The following PCLO variants were observed in gnomAD, a reference collection of about 807,000 sequenced individuals.
PCLO encodes the protein protein piccolo.
In PCLO, 82 loss-of-function variants were observed where a neutral mutation model predicts 427.5. That is an observed-to-expected ratio of 0.19 (90% confidence interval 0.16 to 0.23). The LOEUF (loss-of-function observed/expected upper bound fraction) is 0.23, where lower values mean the gene tolerates loss of function less well. PCLO is among the 10% of genes least tolerant of loss of function. The probability of loss-of-function intolerance (pLI) is 1.00; values close to 1 mark genes in which losing one functional copy is unlikely to be tolerated. For missense variants in PCLO, 6,239 were observed against 6,115.9 expected (o/e 1.02, Z -0.67); for synonymous variants, 2,357 against 2,155.4 (o/e 1.09, Z -2.59).
rs1366615912 is a variant in PCLO, at chr7:82,951,323, C to T, written c.9265G>A (p.Val3089Ile). The change falls in exon 6 of 25, where the codon GTC becomes ATC. Residue 3089 changes from valine (V) to isoleucine (I), a missense_variant. Around this residue, in one of 5 missense-constraint regions of PCLO, gnomAD observed 4,677 missense variants for 4,468.4 expected, o/e 1.05. Transcript: ENST00000333891. ...GTTGGAGTTGCTACTGAAGAATAGA[C>T]AACACCATTAGATGACCTCAAAACA... The part of the protein sequence containing the change: ...GSVLRSSNGV[V>I]YSSVATPTPS... 7 of 1,611,692 alleles carry T rather than the reference C, an allele frequency of 4.3e-6. No individual in the cohort carries two copies. The highest frequency in any genetic ancestry group is 1.3e-5 in the African/African-American group (1 of 74,856).
intron 3 of PCLO, among the ~76,000 whole-genome samples, chr7:82,995,998 T>C (rs566031695): frequency 6.6e-6 from 1 of 151,904 alleles, no homozygotes; most frequent in Non-Finnish European, 1.5e-5. Flanking sequence ...TTCTCATCCT[T>C]TTTGCTTTAG....
At chr7:82,910,365 T>C (rs751849832) in intron 7 of PCLO, among the ~76,000 whole-genome samples, 3 of 151,984 alleles carry the variant, frequency 2.0e-5, no homozygotes, top group Non-Finnish European at 4.4e-5. Context: ...ACTCTATACC[T>C]CCTGTGGTCA....
chr7:83,143,206 G>C lies in PCLO; in HGVS notation c.1894-7550C>G, dbSNP rs192707208. On this transcript the variant is annotated intron_variant, in intron 2 of 24. Coordinates refer to ENST00000333891, the MANE Select transcript of PCLO (RefSeq NM_033026.6). Reference sequence around the variant, plus strand: ...GAGATAAAGTTTGATAACAGATTATGTTTTGTGCTACTCAAGGACTACTCA... The same window carrying C: ...GAGATAAAGTTTGATAACAGATTATCTTTTGTGCTACTCAAGGACTACTCA... Among the ~76,000 whole-genome samples, 32 of 152,220 alleles carry C rather than the reference G, an allele frequency of 2.1e-4. No individual in the cohort carries two copies. The Middle Eastern group carries it at 0.01, about 49-fold the overall frequency.
intron 3 of PCLO, among the ~76,000 whole-genome samples, chr7:83,125,261 T>G (rs1584056681): frequency 1.3e-5 from 2 of 151,722 alleles, no homozygotes; most frequent in African/African-American, 4.8e-5. Flanking sequence ...CCACCCCATC[T>G]GAGAAGTGGG....
At chr7:82,802,806 G>T (rs1449742541) in intron 21 of PCLO, among the ~76,000 whole-genome samples, 1 of 151,994 alleles carries the variant, frequency 6.6e-6, no homozygotes, top group East Asian at 1.9e-4. Context: ...CTTGAAAACT[G>T]CTCTAAAGGT....
chr7:82,784,402 A>G (rs922524040), intron 22 of PCLO, among the ~76,000 whole-genome samples: 1 of 152,082 alleles, frequency 6.6e-6, no homozygotes, highest in African/African-American at 2.4e-5. Context: ...TGATTACCCA[A>G]ATGTCATTTT....
intron 3 of PCLO, among the ~76,000 whole-genome samples, chr7:82,983,896 G>A (rs1796201940): frequency 6.6e-6 from 1 of 151,842 alleles, no homozygotes. Flanking sequence ...ACTGAATAGG[G>A]CTAACCTCAA....
intron 7 of PCLO, chr7:82,914,291 C>T (rs952446959): frequency 1.5e-5 from 6 of 410,282 alleles, no homozygotes; most frequent in Non-Finnish European, 2.6e-5. Context: ...TTAATAATTT[C>T]AGAAACTGAA....
chr7:83,142,182 T>A (rs1371848475), intron 2 of PCLO, among the ~76,000 whole-genome samples: 1 of 152,190 alleles, frequency 6.6e-6, no homozygotes, highest in Non-Finnish European at 1.5e-5. Flanking sequence ...GTACTTGGAA[T>A]AATGAAACAT....
chr7:82,852,915 C>T (rs909435729), intron 10 of PCLO, among the ~76,000 whole-genome samples: 4 of 152,086 alleles, frequency 2.6e-5, no homozygotes, highest in African/African-American at 9.7e-5. Context: ...ATTTTATTCT[C>T]CATCTGTATG....
At chr7:83,000,964 T>C (rs1352486350) in intron 3 of PCLO, among the ~76,000 whole-genome samples, 2 of 151,982 alleles carry the variant, frequency 1.3e-5, no homozygotes, top group South Asian at 2.1e-4. Context: ...AGAAAGAAAT[T>C]AGTGAGTTTT....
chr7:82,774,862 T>G (rs1790716413), intron 22 of PCLO, among the ~76,000 whole-genome samples: 1 of 152,218 alleles, frequency 6.6e-6, no homozygotes, highest in Non-Finnish European at 1.5e-5. Context: ...ATAAAGTATT[T>G]TACTGCCCCC....
At chr7:82,978,857 A>C (rs62458572) in intron 3 of PCLO, among the ~76,000 whole-genome samples, 3,014 of 138,574 alleles carry the variant, frequency 0.022, 102 homozygotes, top group African/African-American at 0.076. Flanking sequence ...CACACACACA[A>C]ACACACACAC....
chr7:83,055,498 T>A (rs545419906), intron 3 of PCLO, among the ~76,000 whole-genome samples: 2 of 152,264 alleles, frequency 1.3e-5, no homozygotes, highest in Non-Finnish European at 2.9e-5. Context: ...ACATTGCATT[T>A]CCAGTGTGCA....
Position 82,800,970 on chromosome 7 carries a change from C to A in PCLO, c.15007+548G>T, listed in dbSNP as rs201401071. Among the ~76,000 whole-genome samples, 21 of 151,570 alleles carry A rather than the reference C, an allele frequency of 1.4e-4. No homozygotes were observed. In the East Asian group the frequency reaches 4.2e-3, roughly 30 times the overall value. On this transcript the variant is annotated intron_variant, in intron 22 of 24. Transcript: ENST00000333891. ...GATACTCCTTTTATATGTTTGCTGA[C>A]GTCAAGGATTTTTCACATTTGGTAA...
chr7:83,116,054 A>T (rs1460056324), intron 3 of PCLO, among the ~76,000 whole-genome samples: 1 of 152,072 alleles, frequency 6.6e-6, no homozygotes, highest in African/African-American at 2.4e-5. Flanking sequence ...TATTTCAATT[A>T]AATGGATGTC....
intron 3 of PCLO, among the ~76,000 whole-genome samples, chr7:83,114,513 G>C (rs1230006759): frequency 6.6e-6 from 1 of 152,014 alleles, no homozygotes; most frequent in East Asian, 1.9e-4. Context: ...ATGATAAATA[G>C]GGAGACTGCA....
intron 3 of PCLO, among the ~76,000 whole-genome samples, chr7:83,128,352 T>C (rs1044283787): frequency 3.9e-5 from 6 of 152,126 alleles, no homozygotes; most frequent in African/African-American, 1.4e-4. Context: ...AAAATTGTTT[T>C]TGCGATATTT....
chr7:83,122,295 T>C (rs71531194), intron 3 of PCLO, among the ~76,000 whole-genome samples: 876 of 150,508 alleles, frequency 5.8e-3, no homozygotes, highest in Non-Finnish European at 9.5e-3. Flanking sequence ...TCTTTTTTTT[T>C]TTTTTTTTTT....
Sources: gnomAD v4.1 joint callset for allele counts (sites outside exome capture counted in the v4.1 genomes callset) on GRCh38, gnomAD v4.1.1 for gene constraint, gnomAD v4.1.1 regional missense constraint, MANE v1.5 for transcripts, NCBI Gene and HGNC (gene_info 2026-07-23, HGNC 2026-07-21) for gene names.